Variants in AAK1 observed in about 807,000 individuals in gnomAD.
The protein encoded by AAK1 is AP2-associated protein kinase 1.
AAK1 carries 37 observed loss-of-function variants against 116.0 expected under a neutral mutation model. The observed-to-expected ratio is 0.32, with a 90% CI of 0.25 to 0.42. The LOEUF is 0.42. AAK1 is among the 10% of genes least tolerant of loss of function. The pLI is 1.00. For missense variants in AAK1, 919 were observed against 1,170.6 expected, an observed-to-expected ratio of 0.79 and a Z score of 3.14; for synonymous variants, 458 against 439.9, an observed-to-expected ratio of 1.04 and a Z score of -0.51.
At chr2:69,497,405 C>T (rs1439301388) in intron 16 of AAK1, among the ~76,000 whole-genome samples, 1 of 142,478 alleles carries the variant, frequency 7.0e-6, no homozygotes, top group South Asian at 2.2e-4. Context: ...CAGGTTCAAG[C>T]AATTCTCTGC....
chr2:69,475,871 A>G lies in AAK1; in HGVS notation c.2884T>C (p.Ter962GlnextTer2). Residue 962 changes from the stop codon to glutamine (Q), a stop_lost, in exon 22 of 22, where the codon TAG (stop) becomes CAG (glutamine). Transcript: ENST00000409085. ...LLLVDQLIDL[*>Q] ...CTGCATCTGCTACTGGGTCACGGCTACAGGTCTATGAGCTGATCCACCAGC... is the reference window on the plus strand; with the variant it reads ...CTGCATCTGCTACTGGGTCACGGCTGCAGGTCTATGAGCTGATCCACCAGC... 1 of 1,611,204 alleles carries G rather than the reference A, an allele frequency of 6.2e-7. No individual in the cohort carries two copies. The highest frequency in any genetic ancestry group is 1.7e-5 in the Admixed American group (1 of 59,650).
At chr2:69,503,319 A>G (rs779875876) in intron 16 of AAK1, among the ~76,000 whole-genome samples, 3 of 152,258 alleles carry the variant, frequency 2.0e-5, no homozygotes, top group Non-Finnish European at 4.4e-5. Flanking sequence ...TTAAAAGTAG[A>G]TACTAATCAG....
intron 7 of AAK1, 121 bp from the exon 8 acceptor site, chr2:69,530,261 T>G: frequency 4.8e-6 from 5 of 1,051,900 alleles, no homozygotes. Flanking sequence ...AGACTATTAA[T>G]GTATTAGAAA....
intron 2 of AAK1, among the ~76,000 whole-genome samples, chr2:69,596,871 T>A (rs1673317024): frequency 6.6e-6 from 1 of 152,112 alleles, no homozygotes; most frequent in Non-Finnish European, 1.5e-5. Flanking sequence ...CAGGGTGCAC[T>A]CTCTGCCTTC....
In AAK1 at chr2:69,519,104, C is replaced by T; in HGVS notation, c.1347G>A (p.Gln449=). The change falls in exon 12 of 22, where the codon CAG becomes CAA. Residue 449 remains glutamine (Q), a synonymous_variant. Coordinates refer to ENST00000409085, the MANE Select transcript of AAK1 (RefSeq NM_014911.5). ...PPTPQQTPST[Q]AQGLPAQAQA... is the part of the protein sequence containing the mutation. The stretch of plus-strand genomic sequence containing the variant: ...GGGCCTGAGCGGGCAGACCCTGGGC[C>T]TGAGTAGAAGGCGTCTGCTGTGGAG... 1 of 1,553,936 alleles carries T rather than the reference C, an allele frequency of 6.4e-7. No homozygotes were observed. Among genetic ancestry groups the T allele is most frequent in the Non-Finnish European group, 8.7e-7 (1 of 1,148,114 alleles).
intron 2 of AAK1, among the ~76,000 whole-genome samples, chr2:69,596,275 C>T (rs1673280758): frequency 6.7e-6 from 1 of 148,886 alleles, no homozygotes; most frequent in African/African-American, 2.5e-5. Context: ...GGCTCAAGTG[C>T]AGTGGCGCCA....
chr2:69,468,707 C>G lies in AAK1; in HGVS notation c.*7162G>C. 1.0e-6 allele frequency: 1 copy of G among 985,366 alleles called. No homozygotes were observed. Among genetic ancestry groups the G allele is most frequent in the Non-Finnish European group, 1.2e-6 (1 of 829,914 alleles). 61.0% of individuals were successfully genotyped at this position (985,366 alleles called of 1,614,324 possible). ...CAGAGACTGGCAAAAAAGCAGCTAT[C>G]TATTGAACCAGGGGCACTTTGGATG... is the stretch of plus-strand genomic sequence containing the variant. On this transcript the variant is annotated 3_prime_UTR_variant, in exon 22 of 22. Transcript: ENST00000409085.
rs1488470510 is a variant in AAK1, at chr2:69,475,722, CAGG to C, written c.*144_*146del. The C allele has an allele frequency of 1.4e-6, 2 of 1,409,236 alleles. No homozygotes were observed. Among genetic ancestry groups the C allele is most frequent in the South Asian group, 1.7e-5 (1 of 60,548 alleles). 87.3% of individuals were successfully genotyped at this position (1,409,236 alleles called of 1,614,324 possible). A position where few individuals can be genotyped will look rare whatever the true frequency, so the allele number is the denominator to read the frequency against. On this transcript the variant is annotated 3_prime_UTR_variant, in exon 22 of 22. Coordinates refer to ENST00000409085, the MANE Select transcript of AAK1 (RefSeq NM_014911.5). ...TGATTTTCTTTCCTTATCATTTCTA[CAGG>C]AGAAGGCAAGGGGTAGGAGAAAAGG...
intron 5 of AAK1, among the ~76,000 whole-genome samples, chr2:69,539,823 C>A (rs951188228): frequency 2.0e-5 from 3 of 152,186 alleles, no homozygotes; most frequent in African/African-American, 4.8e-5. Context: ...TCCTATCAGG[C>A]CTTCAAAATC....
chr2:69,507,299 G>A, intron 15 of AAK1, 122 bp downstream of exon 15: 1 of 1,223,846 alleles, frequency 8.2e-7, no homozygotes, highest in South Asian at 1.6e-5. Context: ...TTATGCAAAG[G>A]CCCAAGCCTA....
intron 3 of AAK1, among the ~76,000 whole-genome samples, chr2:69,550,605 T>C (rs916747806): frequency 2.0e-5 from 3 of 151,824 alleles, no homozygotes; most frequent in Non-Finnish European, 2.9e-5. Flanking sequence ...TCTTTTTTTT[T>C]TCTATTTTAA....
chr2:69,589,708 C>CAAAAAAAAAAAAA (rs762986666), intron 2 of AAK1, among the ~76,000 whole-genome samples: 2 of 58,642 alleles, frequency 3.4e-5, no homozygotes, highest in Non-Finnish European at 8.4e-5. Context: ...AACTCTGTCT[C>CAAAAAAAAAAAAA]AAAAAAAAAA....
rs1288481475 is a variant in AAK1 at position 69,469,073 on chromosome 2, G to A, written c.*6796C>T. 1.0e-6 allele frequency: 1 copy of A among 985,300 alleles called. No homozygotes were observed. The highest frequency in any genetic ancestry group is 1.1e-4 in the East Asian group (1 of 8,830). The allele number at this position is 985,300 out of a possible 1,614,324, so 61.0% of individuals were successfully genotyped here. A position where few individuals can be genotyped will look rare whatever the true frequency, so the allele number is the denominator to read the frequency against. On this transcript the variant is annotated 3_prime_UTR_variant, in exon 22 of 22. Coordinates refer to ENST00000409085, the MANE Select transcript of AAK1 (RefSeq NM_014911.5). The stretch of plus-strand genomic sequence containing the variant: ...AGAGCTATTTCCTATCTTTCTTTCA[G>A]CATCAACAGGCTTTGTAGGAATGGA...
chr2:69,598,974 C>A, intron 2 of AAK1: 2 of 419,196 alleles, frequency 4.8e-6, no homozygotes, highest in South Asian at 1.9e-5. Flanking sequence ...CTACCAAAAG[C>A]CTAGAGAAGG....
chr2:69,492,462 C>T (rs1193932603), intron 17 of AAK1, among the ~76,000 whole-genome samples: 2 of 151,622 alleles, frequency 1.3e-5, no homozygotes, highest in African/African-American at 2.4e-5. Context: ...GATCCACCTG[C>T]CTCGGCCTCC....
Position 69,613,568 on chromosome 2 carries a change from T to A in AAK1, c.163+29310A>T, listed in dbSNP as rs149384423. ...CCTAGCCTCTGAGGAGGGCAAGAGCTAGAGATAGAGCTAATCAACAAGGGC... is the reference window on the plus strand; with the variant it reads ...CCTAGCCTCTGAGGAGGGCAAGAGCAAGAGATAGAGCTAATCAACAAGGGC... On this transcript the variant is annotated intron_variant, in intron 2 of 21. Coordinates refer to ENST00000409085, the MANE Select transcript of AAK1 (RefSeq NM_014911.5). Among the ~76,000 whole-genome samples, 171 of 152,276 alleles carry A rather than the reference T, an allele frequency of 1.1e-3. 2 individuals are homozygous for A. The highest frequency in any genetic ancestry group is 4.0e-3 in the African/African-American group (165 of 41,552).
At chr2:69,640,621 T>C (rs745672437) in intron 2 of AAK1, among the ~76,000 whole-genome samples, 1 of 152,204 alleles carries the variant, frequency 6.6e-6, no homozygotes, top group Admixed American at 6.5e-5. Context: ...ATAAATACTT[T>C]GTATACTGGC....
At position 69,464,946 on chromosome 2, in the gene AAK1, C is replaced by T. The variant is rs1344441396; in HGVS notation, c.*10923G>A. 1.3e-5 allele frequency: 2 copies of T among 154,756 alleles called. No homozygotes were observed. The highest frequency in any genetic ancestry group is 2.9e-5 in the Non-Finnish European group (2 of 69,896). 9.6% of individuals were successfully genotyped at this position (154,756 alleles called of 1,614,324 possible). A position where few individuals can be genotyped will look rare whatever the true frequency, so the allele number is the denominator to read the frequency against. ...AGGGTTTTTATCTTGCTCTTCTTTC[C>T]AGACATCTCCCCTTTTCAAGAGTAC... is the stretch of plus-strand genomic sequence containing the variant. On this transcript the variant is annotated 3_prime_UTR_variant, in exon 22 of 22. Transcript: ENST00000409085.
At chr2:69,643,485 C>T (rs1675847496) in intron 1 of AAK1, 90 bp downstream of exon 1, 3 of 1,217,862 alleles carry the variant, frequency 2.5e-6, no homozygotes, top group Non-Finnish European at 3.1e-6. Flanking sequence ...ATCCGAGCTG[C>T]TCCGGCAGCG....
Sources: allele counts gnomAD v4.1 joint callset (sites outside exome capture counted in the v4.1 genomes callset), GRCh38; gene constraint gnomAD v4.1.1; transcripts MANE v1.5; gene names NCBI Gene and HGNC (gene_info 2026-07-23, HGNC 2026-07-21).